MMP26: variants seen among roughly 807,000 people sequenced by gnomAD.
MMP26 encodes matrix metallopeptidase 26.
MMP26 carries 33 observed loss-of-function variants against 31.0 expected under a neutral mutation model. The observed-to-expected ratio is 1.06, with a 90% CI of 0.81 to 1.42. MMP26 has a LOEUF of 1.42. MMP26 is among the 40% of genes most tolerant of loss of function. The pLI is 0.00. For synonymous variants in MMP26, 122 were observed against 114.9 expected, an observed-to-expected ratio of 1.06 and a Z score of -0.40; for missense variants, 347 against 316.1, an observed-to-expected ratio of 1.10 and a Z score of -0.74.
intron 2 of MMP26, chr11:4,923,889 C>T: frequency 6.2e-7 from 1 of 1,614,080 alleles, no homozygotes. Context: ...CTTCTAAGCA[C>T]TGAGCTTAGC....
At chr11:4,770,987 A>C (rs959777551) in intron 2 of MMP26, among the ~76,000 whole-genome samples, 2 of 152,212 alleles carry the variant, frequency 1.3e-5, no homozygotes, top group Non-Finnish European at 2.9e-5. Context: ...AAAACAGTGG[A>C]AAATTGAGAA....
intron 2 of MMP26, among the ~76,000 whole-genome samples, chr11:4,864,955 A>G (rs551596990): frequency 6.6e-6 from 1 of 152,208 alleles, no homozygotes; most frequent in East Asian, 1.9e-4. Context: ...ACCTTGTTTT[A>G]ATTCACAGTT....
chr11:4,763,110 G>GTAC (rs1250327542), intron 1 of MMP26, among the ~76,000 whole-genome samples: 6 of 152,144 alleles, frequency 3.9e-5, no homozygotes, highest in African/African-American at 1.4e-4. Context: ...AATAAGGAGA[G>GTAC]TACTTGATAG....
At position 4,946,103 on chromosome 11, in the gene MMP26, A is replaced by T; in HGVS notation, c.-144-41965A>T. 3 of 1,502,010 alleles carry T rather than the reference A, an allele frequency of 2.0e-6. No individual in the cohort carries two copies. The East Asian group carries it at 6.8e-5, about 34-fold the overall frequency. The allele number at this position is 1,502,010 out of a possible 1,614,324, so 93.0% of individuals were successfully genotyped here. A position where few individuals can be genotyped will look rare whatever the true frequency, so the allele number is the denominator to read the frequency against. ...CTTGGTGTCAAATATTAGGTTTCTC[A>T]AATTTACCTTAAATATCTTACCAGA... is the stretch of plus-strand genomic sequence containing the variant. On this transcript the variant is annotated intron_variant, in intron 2 of 7. Transcript: ENST00000380390.
At chr11:4,758,439 G>A (rs1416564622) in intron 1 of MMP26, among the ~76,000 whole-genome samples, 1 of 136,456 alleles carries the variant, frequency 7.3e-6, no homozygotes. Flanking sequence ...AGAATAAAAG[G>A]AGTTAGGTAA....
chr11:4,763,284 C>G, intron 1 of MMP26, among the ~76,000 whole-genome samples: 1 of 152,096 alleles, frequency 6.6e-6, no homozygotes, highest in East Asian at 1.9e-4. Context: ...TCAGGCTTGG[C>G]TGGCTGAACA....
At chr11:4,848,506 C>T in intron 2 of MMP26, 2 of 1,613,478 alleles carry the variant, frequency 1.2e-6, no homozygotes, top group Non-Finnish European at 1.7e-6. Flanking sequence ...CTGGACTCCA[C>T]ACCTTGCAAC....
At chr11:4,740,072 C>T (rs901397521) in intron 1 of MMP26, among the ~76,000 whole-genome samples, 1 of 151,892 alleles carries the variant, frequency 6.6e-6, no homozygotes, top group African/African-American at 2.4e-5. Flanking sequence ...GATTCTTGTT[C>T]CATTAACTGC....
At chr11:4,977,763 T>C (rs2133637811) in intron 2 of MMP26, among the ~76,000 whole-genome samples, 1 of 152,268 alleles carries the variant, frequency 6.6e-6, no homozygotes, top group South Asian at 2.1e-4. Flanking sequence ...TGCAGCTGTC[T>C]TGAGGCTCCA....
intron 2 of MMP26, chr11:4,912,922 T>G (rs1851013439): frequency 6.6e-6 from 1 of 151,782 alleles, no homozygotes; most frequent in Admixed American, 6.6e-5. Context: ...GCCTGGAATG[T>G]TAAACATACT....
chr11:4,821,997 A>G (rs1363337224), intron 2 of MMP26: 2 of 1,614,062 alleles, frequency 1.2e-6, no homozygotes, highest in Admixed American at 1.7e-5. Context: ...TCTCCTGCAC[A>G]GACAATAGGA....
chr11:4,705,620 A>G (rs760389325), intron 1 of MMP26, among the ~76,000 whole-genome samples: 23 of 152,340 alleles, frequency 1.5e-4, no homozygotes, highest in South Asian at 4.1e-4. Context: ...CTGTTTAAGA[A>G]GAGTTTAATA....
intron 2 of MMP26, among the ~76,000 whole-genome samples, chr11:4,768,067 A>G (rs1223162496): frequency 7.2e-6 from 1 of 139,116 alleles, no homozygotes; most frequent in African/African-American, 3.1e-5. Context: ...CTTTAATGGC[A>G]TTTGTGAAAA....
At chr11:4,898,810 T>TCA (rs1491116503) in intron 2 of MMP26, among the ~76,000 whole-genome samples, 3,999 of 127,870 alleles carry the variant, frequency 0.031, 143 homozygotes, top group African/African-American at 0.11. Flanking sequence ...ATTTAAGAAA[T>TCA]CTCTCTCTCT....
In MMP26 at chr11:4,992,006, C is replaced by T; in HGVS notation, c.638C>T (p.Ser213Phe). 6.2e-7 allele frequency: 1 copy of T among 1,612,442 alleles called. No individual in the cohort carries two copies. The highest frequency in any genetic ancestry group is 8.5e-7 in the Non-Finnish European group (1 of 1,179,622). Residue 213 changes from serine (S) to phenylalanine (F), a missense_variant, in exon 7 of 8, where the codon TCT becomes TTT. By Grantham distance (155) the Ser-to-Phe change is radical. Transcript: ENST00000380390. ...GTTGCAACTCATGAGATTGGGCATT[C>T]TTTGGGCCTGCAGCACTCTGGGAAT... ...FLVATHEIGH[S>F]LGLQHSGNQS... is the part of the protein sequence containing the mutation.
chr11:4,788,771 A>G (rs964629123), intron 2 of MMP26, among the ~76,000 whole-genome samples: 1 of 152,146 alleles, frequency 6.6e-6, no homozygotes, highest in Non-Finnish European at 1.5e-5. Flanking sequence ...AGTATTCTCA[A>G]TGTGATTTCA....
At chr11:4,925,113 A>G (rs1851250608) in intron 2 of MMP26, among the ~76,000 whole-genome samples, 1 of 152,196 alleles carries the variant, frequency 6.6e-6, no homozygotes, top group Non-Finnish European at 1.5e-5. Context: ...CAACTCTGAC[A>G]CCAGTTCTAT....
At chr11:4,933,991 G>T (rs891791535) in intron 2 of MMP26, among the ~76,000 whole-genome samples, 1 of 145,510 alleles carries the variant, frequency 6.9e-6, no homozygotes, top group Non-Finnish European at 1.5e-5. Flanking sequence ...CATTTGGCTT[G>T]GTTCCAAGTC....
intron 2 of MMP26, among the ~76,000 whole-genome samples, chr11:4,799,625 A>C (rs749460543): frequency 1.3e-5 from 2 of 152,134 alleles, no homozygotes; most frequent in Non-Finnish European, 2.9e-5. Flanking sequence ...ATCCTTTACC[A>C]ATAGTCCCCC....
Sources: allele counts gnomAD v4.1 joint callset (sites outside exome capture counted in the v4.1 genomes callset), GRCh38; gene constraint gnomAD v4.1.1; transcripts MANE v1.5; gene names NCBI Gene and HGNC (gene_info 2026-07-23, HGNC 2026-07-21).